Variants in REPS1 observed in about 807,000 individuals in gnomAD.
The protein encoded by REPS1 is RALBP1 associated Eps domain containing 1, also known as ralBP1-associated Eps domain-containing protein 1.
A neutral mutation model predicts 100.9 loss-of-function variants in REPS1; 39 were observed. That is an observed-to-expected ratio of 0.39 (90% CI 0.30 to 0.50). The LOEUF is 0.50. Ranked by LOEUF, REPS1 falls within the 20% of genes least tolerant of loss-of-function variation. REPS1 has a pLI of 0.86. For missense variants in REPS1, 821 were observed against 968.5 expected (o/e 0.85, Z 2.02); for synonymous variants, 324 against 340.3 (o/e 0.95, Z 0.53).
rs751664272 is a variant in REPS1 at position 138,987,727 on chromosome 6, G to C, written c.-45C>G. On this transcript the variant is annotated 5_prime_UTR_variant, in exon 1 of 20. Coordinates refer to ENST00000450536, the MANE Select transcript of REPS1 (RefSeq NM_001286611.2). ...CCGCCCCGCCCCGCATGCACTACTC[G>C]GGGCCCGGCCCCAGGAACCTGGGCC... 1.6e-5 allele frequency: 23 copies of C among 1,479,784 alleles called. No individual in the cohort carries two copies. Among genetic ancestry groups the C allele is most frequent in the South Asian group, 4.0e-5 (3 of 75,380 alleles). The allele number at this position is 1,479,784 out of a possible 1,614,324, so 91.7% of individuals were successfully genotyped here.
chr6:138,922,949 AC>A (rs1780875655), intron 10 of REPS1, among the ~76,000 whole-genome samples: 1 of 152,218 alleles, frequency 6.6e-6, no homozygotes, highest in South Asian at 2.1e-4. Flanking sequence ...AATTCAAACA[AC>A]TTGTAACAAA....
chr6:138,907,313 AGTGTG>A (rs1227420840), intron 19 of REPS1, 177 bp downstream of exon 19: 14 of 135,334 alleles, frequency 1.0e-4, no homozygotes, highest in African/African-American at 2.4e-4. Flanking sequence ...AAAAAAAAAA[AGTGTG>A]TGTGTGTGTG....
At chr6:138,941,219 T>C in intron 8 of REPS1, 116 bp downstream of exon 8, 1 of 1,091,860 alleles carries the variant, frequency 9.2e-7, no homozygotes, top group Non-Finnish European at 1.3e-6. Flanking sequence ...TATGTACACT[T>C]GATGAAATAT....
chr6:138,918,118 TA>T (rs1172313921), intron 12 of REPS1, among the ~76,000 whole-genome samples: 1 of 152,028 alleles, frequency 6.6e-6, no homozygotes, highest in Non-Finnish European at 1.5e-5. Context: ...TGCGTGTGTA[TA>T]TTTTTTTGGG....
Position 138,905,249 on chromosome 6 carries a change from C to T in REPS1, c.2323-117G>A, listed in dbSNP as rs575026356. On this transcript the variant is annotated intron_variant, in intron 19 of 19. Transcript: ENST00000450536. ...ATTTGTCAAGACAACTAAGGGAGAG[C>T]TTATTCATATTTTAAAAGTATACTT... is the stretch of plus-strand genomic sequence containing the variant. 20 of 634,884 alleles carry T rather than the reference C, an allele frequency of 3.2e-5. No individual in the cohort carries two copies. In the East Asian group the frequency reaches 5.6e-4, roughly 18 times the overall value. The allele number at this position is 634,884 out of a possible 1,614,324, so 39.3% of individuals were successfully genotyped here.
chr6:138,987,088 T>C (rs578245851), intron 1 of REPS1, among the ~76,000 whole-genome samples: 32 of 152,346 alleles, frequency 2.1e-4, no homozygotes, highest in South Asian at 4.1e-4. Context: ...CCTAAATCTA[T>C]AGAACTCACT....
intron 8 of REPS1, among the ~76,000 whole-genome samples, chr6:138,940,438 T>C (rs1782161279): frequency 6.6e-6 from 1 of 152,188 alleles, no homozygotes; most frequent in Non-Finnish European, 1.5e-5. Flanking sequence ...GCCCTTGATA[T>C]TCTTTTTCTT....
chr6:138,970,922 T>C (rs1052752520), intron 1 of REPS1, among the ~76,000 whole-genome samples: 2 of 152,214 alleles, frequency 1.3e-5, no homozygotes, highest in Non-Finnish European at 2.9e-5. Flanking sequence ...GGCAGCTAGA[T>C]GGGTGTGCAA....
chr6:138,960,986 G>A (rs904339764), intron 1 of REPS1, among the ~76,000 whole-genome samples: 13 of 152,128 alleles, frequency 8.5e-5, no homozygotes, highest in Admixed American at 5.2e-4. Flanking sequence ...AACATCACCC[G>A]TTTTCCTTAA....
chr6:138,908,096 A>G (rs1240650948), intron 18 of REPS1, among the ~76,000 whole-genome samples: 1 of 152,206 alleles, frequency 6.6e-6, no homozygotes, highest in Non-Finnish European at 1.5e-5. Context: ...CTAGAACACC[A>G]TAATTAAAAT....
At chr6:138,966,222 T>C (rs1445725318) in intron 1 of REPS1, among the ~76,000 whole-genome samples, 6 of 152,056 alleles carry the variant, frequency 3.9e-5, no homozygotes, top group Non-Finnish European at 8.8e-5. Flanking sequence ...CTCAAGTGAG[T>C]AGAACCGTGG....
chr6:138,975,343 G>C (rs1784541943), intron 1 of REPS1, among the ~76,000 whole-genome samples: 1 of 152,174 alleles, frequency 6.6e-6, no homozygotes, highest in Admixed American at 6.5e-5. Context: ...ATTATCCAGT[G>C]AAAGGGCAAA....
At chr6:138,908,842 A>G (rs1779830850) in intron 17 of REPS1, 26 bp from the exon 18 acceptor site, 1 of 1,607,198 alleles carries the variant, frequency 6.2e-7, no homozygotes. Context: ...TCCATTAATA[A>G]TAAGCATTTT....
Position 138,945,369 on chromosome 6 carries a change from G to T in REPS1, c.478C>A (p.Pro160Thr). The change falls in exon 4 of 20, where the codon CCT becomes ACT. Residue 160 changes from proline (P) to threonine (T), a missense_variant. By Grantham distance (38) the Pro-to-Thr change is conservative. Transcript: ENST00000450536. ...TGTGGTGAAACTACTGGGGATGCAG[G>T]TTCCTAGAAAAGAATATTATTTTAA... ...QPRTSADAQE[P>T]ASPVVSPQQS... 1 of 1,598,262 alleles carries T rather than the reference G, an allele frequency of 6.3e-7. No individual in the cohort carries two copies.
At position 138,934,922 on chromosome 6, in the gene REPS1, C is replaced by T. The variant is rs1453334823; in HGVS notation, c.1136-4824G>A. ...AACAATCGAGTGTTCATGACTTTTACGTCTTCAAGGAAAACTACAAATGTT... is the reference window on the plus strand; with the variant it reads ...AACAATCGAGTGTTCATGACTTTTATGTCTTCAAGGAAAACTACAAATGTT... On this transcript the variant is annotated intron_variant, in intron 8 of 19. Coordinates refer to ENST00000450536, the MANE Select transcript of REPS1 (RefSeq NM_001286611.2). 2.6e-5 allele frequency among the ~76,000 whole-genome samples: 4 copies of T among 152,104 alleles called. No homozygotes were observed. In the South Asian group the frequency reaches 6.4e-4, roughly 24 times the overall value.
chr6:138,941,025 G>A (rs906631954), intron 8 of REPS1, among the ~76,000 whole-genome samples: 1 of 152,038 alleles, frequency 6.6e-6, no homozygotes, highest in Non-Finnish European at 1.5e-5. Flanking sequence ...CTATCCACTC[G>A]AGACAATATA....
At chr6:138,923,421 TTCATC>T (rs1780906871) in intron 10 of REPS1, among the ~76,000 whole-genome samples, 1 of 152,230 alleles carries the variant, frequency 6.6e-6, no homozygotes, top group Admixed American at 6.5e-5. Flanking sequence ...ATTCATAACA[TTCATC>T]TAATCTATAT....
rs372734319 is a variant in REPS1, at chr6:138,949,904, T to A, written c.154-1991A>T. Among the ~76,000 whole-genome samples, 3 of 152,222 alleles carry A rather than the reference T, an allele frequency of 2.0e-5. 1 individual carries two copies. ...GAATGCAGCAGATGGAGCTGATGAC[T>A]TAGGCAGAAACCAGATCATATTGCA... is the stretch of plus-strand genomic sequence containing the variant. On this transcript the variant is annotated intron_variant, in intron 1 of 19. Coordinates refer to ENST00000450536, the MANE Select transcript of REPS1 (RefSeq NM_001286611.2).
At position 138,947,808 on chromosome 6, in the gene REPS1, C is replaced by T; in HGVS notation, c.259G>A (p.Val87Met). 1 of 1,606,806 alleles carries T rather than the reference C, an allele frequency of 6.2e-7. No homozygotes were observed. Among genetic ancestry groups the T allele is most frequent in the Non-Finnish European group, 8.5e-7 (1 of 1,177,310 alleles). The part of the protein sequence containing the change: ...AVAQSGFPLR[V>M]ESINTVKDLP... The stretch of plus-strand genomic sequence containing the variant: ...TATTTACCTGTATTTATACTTTCCA[C>T]TCTTAAAGGGAAACCAGACTGGGCA... The change falls in exon 2 of 20, where the codon GTG becomes ATG. Residue 87 changes from valine to methionine, a missense_variant. Val to Met is a conservative substitution (Grantham distance 21, BLOSUM62 1). This residue lies in a region of REPS1 where 757 missense variants were observed against 866.4 expected (regional missense o/e 0.87). Coordinates refer to ENST00000450536, the MANE Select transcript of REPS1 (RefSeq NM_001286611.2).
Sources: allele counts gnomAD v4.1 joint callset (sites outside exome capture counted in the v4.1 genomes callset), GRCh38; gene constraint gnomAD v4.1.1; regional missense constraint gnomAD v4.1.1; transcripts MANE v1.5; gene names NCBI Gene and HGNC (gene_info 2026-07-23, HGNC 2026-07-21).